Variants in FAT4 observed in about 807,000 individuals in gnomAD.
FAT4 encodes the protein FAT atypical cadherin 4, also known as protocadherin Fat 4.
Under a neutral mutation model 303.9 loss-of-function variants are expected in FAT4, and 84 were observed. The ratio of observed to expected loss-of-function variants is 0.28; its 90% CI spans 0.23 to 0.33. The LOEUF (loss-of-function observed/expected upper bound fraction) is 0.33, where lower values mean the gene tolerates loss of function less well. Ranked by LOEUF, FAT4 falls within the 10% of genes least tolerant of loss-of-function variation. The pLI, the probability that FAT4 is intolerant of heterozygous loss-of-function variation, is 1.00. For missense variants in FAT4, 6,005 were observed against 6,146.8 expected (o/e 0.98, Z 0.77); for synonymous variants, 2,307 against 2,298.8 (o/e 1.00, Z -0.10).
At chr4:125,357,533 A>G (rs1340971005) in intron 2 of FAT4, among the ~76,000 whole-genome samples, 1 of 152,212 alleles carries the variant, frequency 6.6e-6, no homozygotes, top group Non-Finnish European at 1.5e-5. Flanking sequence ...TAAGTAAATG[A>G]GATACATTTG....
At chr4:125,440,967 C>T (rs1285900040) in intron 8 of FAT4, among the ~76,000 whole-genome samples, 1 of 152,120 alleles carries the variant, frequency 6.6e-6, no homozygotes, top group African/African-American at 2.4e-5. Flanking sequence ...GCATCTGGCA[C>T]CCATTCTTTT....
At chr4:125,441,326 G>C (rs1243319101) in intron 8 of FAT4, among the ~76,000 whole-genome samples, 1 of 152,170 alleles carries the variant, frequency 6.6e-6, no homozygotes, top group African/African-American at 2.4e-5. Context: ...AGTTTATGGA[G>C]AAATAAAGGA....
chr4:125,453,347 A>G (rs1447787448), intron 10 of FAT4, among the ~76,000 whole-genome samples: 1 of 152,168 alleles, frequency 6.6e-6, no homozygotes, highest in Non-Finnish European at 1.5e-5. Flanking sequence ...CATAGTCGTC[A>G]TTATTATCGA....
chr4:125,450,978 T>G lies in FAT4; in HGVS notation c.9968T>G (p.Phe3323Cys). The G allele has an allele frequency of 1.2e-6, 2 of 1,614,164 alleles. No homozygotes were observed. The highest frequency in any genetic ancestry group is 1.7e-6 in the Non-Finnish European group (2 of 1,180,024). Residue 3323 changes from phenylalanine (F) to cysteine (C), a missense_variant, in exon 10 of 18, where the codon TTT becomes TGT. Transcript: ENST00000394329. ...APKGTIVGEV[F>C]ASDRDLGTDG... ...AAAGGTACTATTGTTGGAGAAGTGT[T>G]TGCTAGCGACCGTGATTTGGGCACT...
intron 7 of FAT4, among the ~76,000 whole-genome samples, chr4:125,429,712 A>G (rs1725217497): frequency 1.3e-5 from 2 of 152,328 alleles, no homozygotes; most frequent in South Asian, 2.1e-4. Context: ...ATATGCACCT[A>G]TATTTCAATT....
chr4:125,453,424 T>C (rs1247263847), intron 10 of FAT4, among the ~76,000 whole-genome samples: 1 of 152,114 alleles, frequency 6.6e-6, no homozygotes, highest in African/African-American at 2.4e-5. Context: ...TGATGTGTTA[T>C]TGGGCCAGGC....
chr4:125,415,312 G>A lies in FAT4; in HGVS notation c.6349G>A (p.Val2117Ile), dbSNP rs1735002724. Reference sequence around the variant, plus strand: ...CACTGGAGAACTGGACAGAGAAGAAGTTTCTAATTATACTCTAACAGTGGT... The same window carrying A: ...CACTGGAGAACTGGACAGAGAAGAAATTTCTAATTATACTCTAACAGTGGT... The part of the protein sequence containing the change: ...RLTGELDREE[V>I]SNYTLTVVAT... Residue 2117 changes from valine to isoleucine, a missense_variant, in exon 6 of 18, where the codon GTT becomes ATT. Coordinates refer to ENST00000394329, the MANE Select transcript of FAT4 (RefSeq NM_001291303.3). The A allele has an allele frequency of 6.2e-7, 1 of 1,613,884 alleles. No individual in the cohort carries two copies. Among genetic ancestry groups the A allele is most frequent in the Admixed American group, 1.7e-5 (1 of 59,964 alleles).
At position 125,320,033 on chromosome 4, in the gene FAT4, C is replaced by T. The variant is rs761868141; in HGVS notation, c.3622C>T (p.Pro1208Ser). 1.1e-5 allele frequency: 18 copies of T among 1,613,276 alleles called. No homozygotes were observed. The Admixed American group carries it at 2.8e-4, about 25-fold the overall frequency. ...CATGAAGGATATAAATGATAATGCT[C>T]CCAAATTTTTAAAAGACTTTTACCA... ...VYMKDINDNA[P>S]KFLKDFYQAT... The change falls in exon 2 of 18, where the codon CCC becomes TCC. Residue 1208 changes from proline to serine, a missense_variant. Coordinates refer to ENST00000394329, the MANE Select transcript of FAT4 (RefSeq NM_001291303.3).
At position 125,316,935 on chromosome 4, in the gene FAT4, G is replaced by A. The variant is rs143534324; in HGVS notation, c.524G>A (p.Arg175His). The A allele has an allele frequency of 6.2e-7, 1 of 1,613,858 alleles. No homozygotes were observed. ...GSNGVDHRSY[R>H]IIRGNEAGRF... is the part of the protein sequence containing the mutation. Reference sequence around the variant, plus strand: ...AACGGTGTGGACCACCGCTCCTACCGCATCATCCGCGGCAATGAGGCGGGG... The same window carrying A: ...AACGGTGTGGACCACCGCTCCTACCACATCATCCGCGGCAATGAGGCGGGG... Residue 175 changes from arginine (R) to histidine (H), a missense_variant, in exon 2 of 18, where the codon CGC (arginine) becomes CAC (histidine). Arg to His is a conservative substitution (Grantham distance 29). Transcript: ENST00000394329. This position sits in a 1 kb window ranked among gnomAD's most constrained non-coding sequence, Gnocchi z 5.7.
intron 8 of FAT4, among the ~76,000 whole-genome samples, chr4:125,445,052 G>A (rs1338955261): frequency 1.3e-5 from 2 of 152,198 alleles, no homozygotes; most frequent in Non-Finnish European, 2.9e-5. Context: ...AATAACTATA[G>A]TTAATGCTAT....
intron 10 of FAT4, among the ~76,000 whole-genome samples, chr4:125,455,903 C>A (rs1354343521): frequency 6.6e-6 from 1 of 152,184 alleles, no homozygotes; most frequent in Non-Finnish European, 1.5e-5. Flanking sequence ...CTTACAAAAT[C>A]TTCAAACTGG....
At chr4:125,457,524 C>T (rs907631748) in intron 10 of FAT4, among the ~76,000 whole-genome samples, 2 of 151,262 alleles carry the variant, frequency 1.3e-5, no homozygotes, top group African/African-American at 4.8e-5. Flanking sequence ...ATCTCTTTTC[C>T]TTAGTTACTG....
At chr4:125,486,796 C>A (rs1351281141) in intron 16 of FAT4, among the ~76,000 whole-genome samples, 1 of 152,132 alleles carries the variant, frequency 6.6e-6, no homozygotes, top group Non-Finnish European at 1.5e-5. Context: ...TTTTTGATCT[C>A]AATAAATGAT....
At chr4:125,440,781 G>A (rs767241382) in intron 8 of FAT4, among the ~76,000 whole-genome samples, 33 of 152,004 alleles carry the variant, frequency 2.2e-4, no homozygotes, top group Admixed American at 7.2e-4. Flanking sequence ...GGTTCTGTTG[G>A]CATCATAAAC....
In FAT4 at chr4:125,451,678, C is replaced by T; in HGVS notation, c.10668C>T (p.Ala3556=). 1 of 1,614,128 alleles carries T rather than the reference C, an allele frequency of 6.2e-7. No homozygotes were observed. The highest frequency in any genetic ancestry group is 8.5e-7 in the Non-Finnish European group (1 of 1,180,008). ...FTYYLLSTGP[A]TSYFSLSTAG... ...ATTACTTGCTGAGCACAGGTCCTGC[C>T]ACCAGTTATTTCAGTCTGAGCACTG... is the stretch of plus-strand genomic sequence containing the variant. The change falls in exon 10 of 18, where the codon GCC becomes GCT. Residue 3556 remains alanine, a synonymous_variant. Transcript: ENST00000394329.
In FAT4 at chr4:125,427,901, C is replaced by T. The variant is rs574355489; in HGVS notation, c.7019-6344C>T. On this transcript the variant is annotated intron_variant, in intron 7 of 17. Transcript: ENST00000394329. ...TGCTATTATAAAAAATATAATCTTC[C>T]TGACATTTGAACTTCAATCGTTTAA... Among the ~76,000 whole-genome samples, 8 of 152,224 alleles carry T rather than the reference C, an allele frequency of 5.3e-5. No individual in the cohort carries two copies. In the East Asian group the frequency reaches 1.5e-3, roughly 29 times the overall value.
chr4:125,424,944 A>C (rs1397678546), intron 7 of FAT4, among the ~76,000 whole-genome samples: 1 of 152,148 alleles, frequency 6.6e-6, no homozygotes, highest in African/African-American at 2.4e-5. Context: ...CAATTTGGAG[A>C]TGGGGAGAAA....
chr4:125,490,026 A>T lies in FAT4; in HGVS notation c.13210A>T (p.Asn4404Tyr). Residue 4404 changes from asparagine to tyrosine, a missense_variant, in exon 18 of 18, where the codon AAC becomes TAC. Asn to Tyr is a moderately radical substitution (Grantham distance 143). Transcript: ENST00000394329. ...PSVKIGCRGP[N>Y]ICASNPCWGD... ...AGTGAAGATTGGCTGCCGTGGCCCG[A>T]ACATTTGTGCCAGCAACCCCTGCTG... 1 of 1,613,898 alleles carries T rather than the reference A, an allele frequency of 6.2e-7. No homozygotes were observed. The highest frequency in any genetic ancestry group is 1.1e-5 in the South Asian group (1 of 91,068).
intron 2 of FAT4, among the ~76,000 whole-genome samples, chr4:125,393,515 T>G (rs2126008591): frequency 6.6e-6 from 1 of 152,284 alleles, no homozygotes; most frequent in Admixed American, 6.5e-5. Flanking sequence ...AGTTGTATGC[T>G]GAAACATTTA....
Sources: gnomAD v4.1 joint callset for allele counts (sites outside exome capture counted in the v4.1 genomes callset) on GRCh38, gnomAD v4.1.1 for gene constraint, Gnocchi (gnomAD v3.1) non-coding constraint, MANE v1.5 for transcripts, NCBI Gene and HGNC (gene_info 2026-07-23, HGNC 2026-07-21) for gene names.